VPS45: variants seen among roughly 807,000 people sequenced by gnomAD.
The protein encoded by VPS45 is vacuolar protein sorting-associated protein 45.
A neutral mutation model predicts 75.9 loss-of-function variants in VPS45; 35 were observed. That is an observed-to-expected ratio of 0.46 (90% CI 0.35 to 0.61). The LOEUF is 0.61. Ranked by LOEUF, VPS45 falls within the 20% of genes least tolerant of loss-of-function variation. The pLI is 0.00. For missense variants in VPS45, 559 were observed against 685.9 expected (o/e 0.81, Z 2.07); for synonymous variants, 220 against 238.2 (o/e 0.92, Z 0.70).
At chr1:150,122,347 G>T (rs1234985595) in intron 14 of VPS45, among the ~76,000 whole-genome samples, 1 of 152,004 alleles carries the variant, frequency 6.6e-6, no homozygotes, top group Non-Finnish European at 1.5e-5. Context: ...GGGGGAGTAA[G>T]CCAAACAGAT....
intron 10 of VPS45, among the ~76,000 whole-genome samples, chr1:150,091,219 G>C (rs1156420961): frequency 6.6e-6 from 1 of 152,140 alleles, no homozygotes; most frequent in Non-Finnish European, 1.5e-5. Flanking sequence ...ACTTATCTGT[G>C]TGCCTGCAAC....
At chr1:150,143,939 T>G (rs1659541189) in intron 14 of VPS45, among the ~76,000 whole-genome samples, 1 of 152,174 alleles carries the variant, frequency 6.6e-6, no homozygotes. Flanking sequence ...CATATATGCA[T>G]ATATACACAC....
Position 150,088,283 on chromosome 1 carries a change from A to G in VPS45, c.1105-3654A>G, listed in dbSNP as rs148196679. Among the ~76,000 whole-genome samples the G allele has an allele frequency of 5.5e-3, 829 of 152,062 alleles. 4 individuals carry two copies. Among genetic ancestry groups the G allele is most frequent in the African/African-American group, 0.019 (779 of 41,444 alleles). ...TCTGCTCTCTACTTCTATGAGTTCA[A>G]TGAGAACAACTTTTTAGATTCCACA... On this transcript the variant is annotated intron_variant, in intron 10 of 14. Coordinates refer to ENST00000644510, the MANE Select transcript of VPS45 (RefSeq NM_007259.5).
chr1:150,102,497 C>G (rs1427871623), intron 13 of VPS45, among the ~76,000 whole-genome samples: 5 of 148,780 alleles, frequency 3.4e-5, no homozygotes, highest in African/African-American at 1.2e-4. Flanking sequence ...TGTGGTGACC[C>G]AAGATTGTGC....
At chr1:150,091,050 A>G (rs587725990) in intron 10 of VPS45, among the ~76,000 whole-genome samples, 5 of 152,340 alleles carry the variant, frequency 3.3e-5, no homozygotes, top group South Asian at 4.1e-4. Flanking sequence ...ATGTGAACCA[A>G]TATGCCTTCT....
At chr1:150,125,180 G>C (rs1658438972) in intron 14 of VPS45, among the ~76,000 whole-genome samples, 1 of 149,844 alleles carries the variant, frequency 6.7e-6, no homozygotes, top group African/African-American at 2.4e-5. Flanking sequence ...CATTTATTAG[G>C]TACAGAGTAA....
Position 150,070,574 on chromosome 1 carries a change from C to T in VPS45, c.229-1592C>T, listed in dbSNP as rs923026911. On this transcript the variant is annotated intron_variant, in intron 2 of 14. Transcript: ENST00000644510. Reference sequence around the variant, plus strand: ...TTGGGAGGCCAAGGCAGGCGGATCACGAGGTCAGGAGATCGAGACCATCCT... The same window carrying T: ...TTGGGAGGCCAAGGCAGGCGGATCATGAGGTCAGGAGATCGAGACCATCCT... Among the ~76,000 whole-genome samples the T allele has an allele frequency of 6.8e-4, 102 of 150,446 alleles. 1 individual carries two copies. The highest frequency in any genetic ancestry group is 7.7e-4 in the Non-Finnish European group (52 of 67,764).
At chr1:150,091,662 C>T (rs1553801925) in intron 10 of VPS45, among the ~76,000 whole-genome samples, 1 of 152,196 alleles carries the variant, frequency 6.6e-6, no homozygotes, top group East Asian at 1.9e-4. Flanking sequence ...AAGGAAATTA[C>T]AACTTCAGCT....
At chr1:150,125,094 G>A (rs1258182413) in intron 14 of VPS45, among the ~76,000 whole-genome samples, 1 of 150,820 alleles carries the variant, frequency 6.6e-6, no homozygotes, top group Non-Finnish European at 1.5e-5. Flanking sequence ...ATATTCAGCT[G>A]CAAGTTTACT....
At chr1:150,097,419 A>G (rs980934053) in intron 13 of VPS45, among the ~76,000 whole-genome samples, 1 of 151,164 alleles carries the variant, frequency 6.6e-6, no homozygotes, top group African/African-American at 2.4e-5. Context: ...CATTTCTTTC[A>G]GGTAAAAAAA....
intron 9 of VPS45, 82 bp downstream of exon 9, chr1:150,082,079 G>T (rs1655745545): frequency 1.2e-6 from 1 of 825,450 alleles, no homozygotes; most frequent in South Asian, 1.7e-5. Flanking sequence ...AATCTTCTGG[G>T]TCTAATTTCT....
At chr1:150,071,307 CTTTAT>C (rs1655058026) in intron 2 of VPS45, among the ~76,000 whole-genome samples, 1 of 152,094 alleles carries the variant, frequency 6.6e-6, no homozygotes, top group Non-Finnish European at 1.5e-5. Flanking sequence ...AACTTTCATA[CTTTAT>C]TTTAAAACAA....
chr1:150,134,748 A>G (rs1553813179), intron 14 of VPS45, among the ~76,000 whole-genome samples: 1 of 152,202 alleles, frequency 6.6e-6, no homozygotes, highest in African/African-American at 2.4e-5. Flanking sequence ...GTGCTGTGTA[A>G]CATTCCATTA....
intron 14 of VPS45, among the ~76,000 whole-genome samples, chr1:150,112,276 T>C (rs782593619): frequency 1.3e-5 from 2 of 152,326 alleles, no homozygotes; most frequent in South Asian, 4.1e-4. Context: ...AGTGTTTTGT[T>C]GTATAAAAGT....
intron 14 of VPS45, among the ~76,000 whole-genome samples, chr1:150,140,389 G>T (rs977870867): frequency 2.4e-4 from 26 of 109,214 alleles, no homozygotes; most frequent in African/African-American, 1.1e-3. Flanking sequence ...CACTTCTGGT[G>T]TGTGTGTGTG....
chr1:150,077,233 T>C lies in VPS45; in HGVS notation c.576+2T>C. 1.2e-6 allele frequency: 2 copies of C among 1,610,894 alleles called. No individual in the cohort carries two copies. The highest frequency in any genetic ancestry group is 2.2e-5 in the South Asian group (2 of 90,108). On this transcript the variant is annotated splice_donor_variant, in intron 6 of 14. Coordinates refer to ENST00000644510, the MANE Select transcript of VPS45 (RefSeq NM_007259.5). LOFTEE classifies it high-confidence loss of function. ...AAGAGACTTGCAGAGTGCGTTAAGG[T>C]ATGGCATTACCTATTCCTGGTTCCA... is the stretch of plus-strand genomic sequence containing the variant.
chr1:150,122,579 G>GT (rs1302165208), intron 14 of VPS45, among the ~76,000 whole-genome samples: 1 of 151,726 alleles, frequency 6.6e-6, no homozygotes, highest in Admixed American at 6.6e-5. Flanking sequence ...TTGGGTTGGG[G>GT]TTTTTTTTAA....
At chr1:150,073,134 C>G (rs781970034) in intron 3 of VPS45, among the ~76,000 whole-genome samples, 4 of 152,158 alleles carry the variant, frequency 2.6e-5, no homozygotes, top group African/African-American at 9.6e-5. Context: ...CCAATACATT[C>G]GGCTGTAGAA....
intron 13 of VPS45, among the ~76,000 whole-genome samples, chr1:150,097,601 C>T (rs981621316): frequency 1.3e-5 from 2 of 151,578 alleles, no homozygotes; most frequent in South Asian, 4.2e-4. Context: ...CACCTGTAGT[C>T]CCAGCTACTC....
Sources: allele counts gnomAD v4.1 joint callset (sites outside exome capture counted in the v4.1 genomes callset), GRCh38; gene constraint gnomAD v4.1.1; transcripts MANE v1.5; gene names NCBI Gene and HGNC (gene_info 2026-07-23, HGNC 2026-07-21).